The following C1orf21 variants were observed in gnomAD, a reference collection of about 807,000 sequenced individuals.
The protein encoded by C1orf21 is uncharacterized protein C1orf21.
A neutral mutation model predicts 18.7 loss-of-function variants in C1orf21; 3 were observed. The ratio of observed to expected loss-of-function variants is 0.16; its 90% CI spans 0.07 to 0.42. The LOEUF is 0.42. Among genes scored for constraint, C1orf21 ranks in the 10% least tolerant of loss-of-function variants. C1orf21 has a pLI of 0.99. For synonymous variants in C1orf21, 41 were observed against 46.4 expected, an observed-to-expected ratio of 0.88 and a Z score of 0.47; for missense variants, 104 against 143.6, an observed-to-expected ratio of 0.72 and a Z score of 1.41.
intron 3 of C1orf21, among the ~76,000 whole-genome samples, chr1:184,547,519 C>T (rs12142030): frequency 0.18 from 25,968 of 145,980 alleles, 2,531 homozygotes; most frequent in East Asian, 0.31. Context: ...CTGAAAACCA[C>T]AGGGAGGAAA....
intron 3 of C1orf21, among the ~76,000 whole-genome samples, chr1:184,510,515 A>G (rs1228435426): frequency 6.6e-6 from 1 of 152,230 alleles, no homozygotes; most frequent in African/African-American, 2.4e-5. Context: ...TACTTCATGA[A>G]AAAGCTGACA....
intron 3 of C1orf21, among the ~76,000 whole-genome samples, chr1:184,557,338 G>A (rs545944137): frequency 1.3e-5 from 2 of 152,008 alleles, no homozygotes; most frequent in Non-Finnish European, 2.9e-5. Context: ...TGAGATTTTG[G>A]TGCACCCATC....
In C1orf21 at chr1:184,492,211, A is replaced by G. The variant is rs117220498; in HGVS notation, c.94+14608A>G. Among the ~76,000 whole-genome samples the G allele has an allele frequency of 2.2e-3, 341 of 152,382 alleles. 9 individuals carry two copies. In the East Asian group the frequency reaches 0.056, roughly 25 times the overall value. On this transcript the variant is annotated intron_variant, in intron 2 of 5. Transcript: ENST00000235307. ...ATAGAGAAGCCATTGACTTGCCTGC[A>G]GAACCTGGTTACATTTGGATTCTGC... is the stretch of plus-strand genomic sequence containing the variant.
intron 1 of C1orf21, among the ~76,000 whole-genome samples, chr1:184,448,717 G>A (rs1412807392): frequency 2.6e-5 from 4 of 152,258 alleles, no homozygotes; most frequent in East Asian, 1.9e-4. Context: ...GGGAGACCAC[G>A]GGGCTTCTTT....
At chr1:184,585,758 T>C (rs1276521805) in intron 3 of C1orf21, among the ~76,000 whole-genome samples, 8 of 152,240 alleles carry the variant, frequency 5.3e-5, no homozygotes, top group African/African-American at 1.9e-4. Flanking sequence ...CTAAGGATAA[T>C]GGCCTTCAGT....
chr1:184,608,183 T>G (rs6695173), intron 5 of C1orf21, among the ~76,000 whole-genome samples: 27,057 of 152,160 alleles, frequency 0.18, 2,607 homozygotes, highest in African/African-American at 0.25. Context: ...ATATTACTAG[T>G]TCTTATGTCT....
intron 1 of C1orf21, among the ~76,000 whole-genome samples, chr1:184,394,476 G>A (rs945922062): frequency 2.6e-5 from 4 of 152,182 alleles, no homozygotes; most frequent in Non-Finnish European, 4.4e-5. Context: ...GCTAAGGGAT[G>A]TACTCTCAAC....
Position 184,619,646 on chromosome 1 carries a change from C to A in C1orf21, c.*90C>A. 1 of 1,176,264 alleles carries A rather than the reference C, an allele frequency of 8.5e-7. No individual in the cohort carries two copies. The highest frequency in any genetic ancestry group is 1.2e-6 in the Non-Finnish European group (1 of 809,168). 72.9% of individuals were successfully genotyped at this position (1,176,264 alleles called of 1,614,324 possible). ...CTTTGCAAAGGTCGGTTCTATTCAG[C>A]GAACAGCACTATAGCAAAAGAAGAT... is the stretch of plus-strand genomic sequence containing the variant. On this transcript the variant is annotated 3_prime_UTR_variant, in exon 6 of 6. Coordinates refer to ENST00000235307, the MANE Select transcript of C1orf21 (RefSeq NM_030806.4).
intron 2 of C1orf21, among the ~76,000 whole-genome samples, chr1:184,477,999 A>G (rs1657597978): frequency 6.6e-6 from 1 of 152,188 alleles, no homozygotes; most frequent in South Asian, 2.1e-4. Context: ...GTGGATCTTT[A>G]CTTTGGATCA....
At chr1:184,507,318 C>T (rs1474389783) in intron 2 of C1orf21, among the ~76,000 whole-genome samples, 3 of 152,186 alleles carry the variant, frequency 2.0e-5, no homozygotes, top group South Asian at 2.1e-4. Flanking sequence ...GTTTCCTCTG[C>T]AGCATTTGCT....
At chr1:184,530,605 T>C (rs1209715783) in intron 3 of C1orf21, among the ~76,000 whole-genome samples, 3 of 149,028 alleles carry the variant, frequency 2.0e-5, no homozygotes, top group Non-Finnish European at 4.5e-5. Flanking sequence ...TTTTTCTTTT[T>C]TTTTTTTTTT....
Position 184,537,210 on chromosome 1 carries a change from G to A in C1orf21, c.189+29528G>A, listed in dbSNP as rs1193768516. The stretch of plus-strand genomic sequence containing the variant: ...ACATTGAATGCATTCATAATTCTGT[G>A]TATCTATCACCATCATCCATCTCCA... On this transcript the variant is annotated intron_variant, in intron 3 of 5. Transcript: ENST00000235307. 2.0e-5 allele frequency among the ~76,000 whole-genome samples: 3 copies of A among 152,174 alleles called. No homozygotes were observed. In the South Asian group the frequency reaches 6.2e-4, roughly 32 times the overall value.
At chr1:184,571,381 A>C (rs1659110712) in intron 3 of C1orf21, among the ~76,000 whole-genome samples, 1 of 152,098 alleles carries the variant, frequency 6.6e-6, no homozygotes, top group Admixed American at 6.6e-5. Context: ...TATGCAGTTC[A>C]TCGGTGACCA....
chr1:184,598,566 G>A (rs1463304260), intron 5 of C1orf21, 105 bp downstream of exon 5: 12 of 1,141,376 alleles, frequency 1.1e-5, no homozygotes, highest in Non-Finnish European at 1.5e-5. Context: ...AGCTATTTTT[G>A]TGAAGGTTTG....
Position 184,499,774 on chromosome 1 carries a change from ATC to A in C1orf21, c.95-7808_95-7807del, listed in dbSNP as rs3034482. 7.3e-3 allele frequency among the ~76,000 whole-genome samples: 1,107 copies of A among 152,266 alleles called. 6 individuals carry two copies. Among genetic ancestry groups the A allele is most frequent in the Middle Eastern group, 0.02 (6 of 294 alleles). ...CCTGTGACTAACCAACCAAGGACAA[ATC>A]TCTCTGCAACTGTAAAAGAGAGTCA... is the stretch of plus-strand genomic sequence containing the variant. On this transcript the variant is annotated intron_variant, in intron 2 of 5. Coordinates refer to ENST00000235307, the MANE Select transcript of C1orf21 (RefSeq NM_030806.4).
intron 1 of C1orf21, among the ~76,000 whole-genome samples, chr1:184,445,961 G>C (rs1051641004): frequency 2.0e-5 from 3 of 152,006 alleles, no homozygotes; most frequent in African/African-American, 7.2e-5. Flanking sequence ...GTGTTTAGAG[G>C]ACAAAATAGT....
intron 3 of C1orf21, among the ~76,000 whole-genome samples, chr1:184,572,398 A>C (rs974703674): frequency 2.6e-5 from 4 of 152,192 alleles, no homozygotes; most frequent in Non-Finnish European, 4.4e-5. Flanking sequence ...TATACATGCT[A>C]TTCTGTTCTG....
intron 3 of C1orf21, among the ~76,000 whole-genome samples, chr1:184,560,824 A>G (rs1261153685): frequency 1.3e-5 from 2 of 152,202 alleles, no homozygotes; most frequent in African/African-American, 2.4e-5. Flanking sequence ...TTCACTTTAC[A>G]TTGAATGATT....
intron 3 of C1orf21, among the ~76,000 whole-genome samples, chr1:184,561,149 T>C (rs1237426348): frequency 6.6e-6 from 1 of 152,202 alleles, no homozygotes; most frequent in Non-Finnish European, 1.5e-5. Flanking sequence ...TGCAGGGCAG[T>C]GGATTTGCCT....
Sources: allele counts gnomAD v4.1 joint callset (sites outside exome capture counted in the v4.1 genomes callset), GRCh38; gene constraint gnomAD v4.1.1; transcripts MANE v1.5; gene names NCBI Gene and HGNC (gene_info 2026-07-23, HGNC 2026-07-21).